The following IMMP2L variants were observed in gnomAD, a reference collection of about 807,000 sequenced individuals.
IMMP2L encodes mitochondrial inner membrane protease subunit 2.
A neutral mutation model predicts 19.3 loss-of-function variants in IMMP2L; 18 were observed. That is an observed-to-expected ratio of 0.93 (90% CI 0.64 to 1.38). The LOEUF (loss-of-function observed/expected upper bound fraction) is 1.38. Among genes scored for constraint, IMMP2L ranks in the 40% most tolerant of loss-of-function variants. The pLI is 0.00. For synonymous variants in IMMP2L, 76 were observed against 73.0 expected, an observed-to-expected ratio of 1.04 and a Z score of -0.21; for missense variants, 233 against 218.2, an observed-to-expected ratio of 1.07 and a Z score of -0.43.
intron 3 of IMMP2L, among the ~76,000 whole-genome samples, chr7:111,146,931 C>T (rs570271430): frequency 1.3e-5 from 2 of 152,110 alleles, no homozygotes; most frequent in South Asian, 2.1e-4. Context: ...TTGTGTCATA[C>T]GTTTCTTGGC....
intron 3 of IMMP2L, among the ~76,000 whole-genome samples, chr7:111,418,871 A>T (rs1835198761): frequency 1.3e-5 from 2 of 151,958 alleles, no homozygotes; most frequent in South Asian, 4.1e-4. Flanking sequence ...CCAATAGCTA[A>T]ATGCCACTTA....
chr7:111,257,374 G>A lies in IMMP2L; in HGVS notation c.239+229864C>T, dbSNP rs534203174. Among the ~76,000 whole-genome samples, 12 of 152,136 alleles carry A rather than the reference G, an allele frequency of 7.9e-5. No homozygotes were observed. The South Asian group carries it at 8.3e-4, about 11-fold the overall frequency. On this transcript the variant is annotated intron_variant, in intron 3 of 5. Transcript: ENST00000405709. ...CCCGTTACTAAATTAAACATTTTCCGCTTTCAATGCATCTCATTAAACATG... is the reference window on the plus strand; with the variant it reads ...CCCGTTACTAAATTAAACATTTTCCACTTTCAATGCATCTCATTAAACATG...
intron 4 of IMMP2L, among the ~76,000 whole-genome samples, chr7:110,893,461 T>A (rs1260161754): frequency 6.6e-6 from 1 of 152,326 alleles, no homozygotes; most frequent in African/African-American, 2.4e-5. Flanking sequence ...CAAACCAAAG[T>A]AGTTTGTTAC....
chr7:111,024,466 CAGGT>C (rs1388463046), intron 3 of IMMP2L, among the ~76,000 whole-genome samples: 1 of 152,144 alleles, frequency 6.6e-6, no homozygotes, highest in Non-Finnish European at 1.5e-5. Flanking sequence ...CACCTCAACC[CAGGT>C]AGTCTTCTGT....
intron 4 of IMMP2L, among the ~76,000 whole-genome samples, chr7:110,945,281 T>G (rs568520778): frequency 6.6e-6 from 1 of 152,042 alleles, no homozygotes; most frequent in South Asian, 2.1e-4. Flanking sequence ...TTAACATTTT[T>G]AAAAAAGCAT....
At chr7:111,411,430 C>T in intron 3 of IMMP2L, 1 of 501,070 alleles carries the variant, frequency 2.0e-6, no homozygotes, top group South Asian at 1.4e-5. Context: ...CACCACCTCA[C>T]CAGACCTCCT....
chr7:111,543,534 TAACC>T (rs1311532320), intron 1 of IMMP2L, among the ~76,000 whole-genome samples: 1 of 152,182 alleles, frequency 6.6e-6, no homozygotes, highest in Non-Finnish European at 1.5e-5. Context: ...GCATGGCTTC[TAACC>T]AACCAGAATC....
At chr7:111,472,223 C>G (rs1841336601) in intron 3 of IMMP2L, among the ~76,000 whole-genome samples, 2 of 151,900 alleles carry the variant, frequency 1.3e-5, no homozygotes, top group Admixed American at 1.3e-4. Context: ...CAACCAATTC[C>G]ACATGAATTT....
intron 5 of IMMP2L, among the ~76,000 whole-genome samples, chr7:110,848,430 A>G (rs1290821870): frequency 6.6e-6 from 1 of 152,188 alleles, no homozygotes; most frequent in Admixed American, 6.5e-5. Flanking sequence ...GAGGATGTGG[A>G]GCAACAGGAA....
chr7:111,392,053 A>G (rs1305675824), intron 3 of IMMP2L: 15 of 698,220 alleles, frequency 2.1e-5, no homozygotes, highest in Non-Finnish European at 3.4e-5. Flanking sequence ...TACCAGCTTG[A>G]TTGCATTTAT....
At chr7:111,166,765 G>T (rs757809930) in intron 3 of IMMP2L, among the ~76,000 whole-genome samples, 16 of 151,978 alleles carry the variant, frequency 1.1e-4, no homozygotes, top group Non-Finnish European at 1.6e-4. Context: ...GGTGGTTCCA[G>T]TCATTCCATG....
At chr7:111,496,089 G>A (rs1843566759) in intron 2 of IMMP2L, among the ~76,000 whole-genome samples, 1 of 152,146 alleles carries the variant, frequency 6.6e-6, no homozygotes, top group Admixed American at 6.5e-5. Flanking sequence ...TGGCCAAGAA[G>A]CATGAAGTAA....
intron 3 of IMMP2L, among the ~76,000 whole-genome samples, chr7:111,276,859 A>G: frequency 6.6e-6 from 1 of 152,126 alleles, no homozygotes; most frequent in East Asian, 1.9e-4. Flanking sequence ...AAAAATATAC[A>G]CTGGGGAAAA....
At chr7:110,964,632 A>G (rs1819342608) in intron 3 of IMMP2L, among the ~76,000 whole-genome samples, 1 of 152,056 alleles carries the variant, frequency 6.6e-6, no homozygotes, top group Admixed American at 6.6e-5. Context: ...TGTATATCCT[A>G]TGCAGTTCCT....
intron 2 of IMMP2L, among the ~76,000 whole-genome samples, chr7:111,511,889 C>T (rs1845483401): frequency 6.6e-6 from 1 of 152,090 alleles, no homozygotes; most frequent in African/African-American, 2.4e-5. Context: ...CCCTTCACTT[C>T]CCCGTATCAG....
chr7:111,094,976 T>C (rs771271558), intron 3 of IMMP2L, among the ~76,000 whole-genome samples: 4 of 152,078 alleles, frequency 2.6e-5, no homozygotes, highest in Middle Eastern at 3.2e-3. Flanking sequence ...TCTCAAATCT[T>C]TCTGAAGAAG....
intron 2 of IMMP2L, among the ~76,000 whole-genome samples, chr7:111,512,542 G>A (rs573879704): frequency 5.3e-5 from 8 of 152,010 alleles, no homozygotes; most frequent in Admixed American, 2.6e-4. Context: ...ATCCCAAAGC[G>A]TTCTACAGAT....
intron 3 of IMMP2L, among the ~76,000 whole-genome samples, chr7:111,199,306 G>A (rs952403449): frequency 6.6e-6 from 1 of 152,012 alleles, no homozygotes; most frequent in Admixed American, 6.6e-5. Context: ...CTAAAACTAA[G>A]AGTAACTGGA....
intron 3 of IMMP2L, among the ~76,000 whole-genome samples, chr7:111,271,417 G>C (rs950043009): frequency 2.0e-5 from 3 of 152,084 alleles, no homozygotes; most frequent in Non-Finnish European, 4.4e-5. Context: ...ACTGCTTTTG[G>C]AGTAAAATAA....
Sources: gnomAD v4.1 joint callset for allele counts (sites outside exome capture counted in the v4.1 genomes callset) on GRCh38, gnomAD v4.1.1 for gene constraint, MANE v1.5 for transcripts, NCBI Gene and HGNC (gene_info 2026-07-23, HGNC 2026-07-21) for gene names.